Variants in TTC17 observed in about 807,000 individuals in gnomAD.
TTC17 encodes tetratricopeptide repeat protein 17.
TTC17 carries 58 observed loss-of-function variants against 143.8 expected under a neutral mutation model. That is an observed-to-expected ratio of 0.40 (90% CI 0.33 to 0.50). TTC17 has a LOEUF of 0.50. Among genes scored for constraint, TTC17 ranks in the 20% least tolerant of loss-of-function variants. The probability of loss-of-function intolerance (pLI) is 0.49; values close to 1 mark genes in which losing one functional copy is unlikely to be tolerated. For missense variants in TTC17, 1,273 were observed against 1,392.5 expected, an observed-to-expected ratio of 0.91 and a Z score of 1.37; for synonymous variants, 501 against 497.8, an observed-to-expected ratio of 1.01 and a Z score of -0.09.
chr11:43,481,628 G>T (rs1325091847), intron 21 of TTC17, among the ~76,000 whole-genome samples: 1 of 151,856 alleles, frequency 6.6e-6, no homozygotes, highest in Non-Finnish European at 1.5e-5. Flanking sequence ...CAAGGGATTT[G>T]TTTATTTCAT....
In TTC17 at chr11:43,379,342, G is replaced by A. The variant is rs766132003; in HGVS notation, c.249+20G>A. 2 of 1,593,938 alleles carry A rather than the reference G, an allele frequency of 1.3e-6. No individual in the cohort carries two copies. The highest frequency in any genetic ancestry group is 1.7e-6 in the Non-Finnish European group (2 of 1,165,822). ...TTAGAGGTGAGGCAACTGGGCATGTGAGATGCAGCTGATGCTTGTTGCATT... is the reference window on the plus strand; with the variant it reads ...TTAGAGGTGAGGCAACTGGGCATGTAAGATGCAGCTGATGCTTGTTGCATT... On this transcript the variant is annotated intron_variant, in intron 2 of 23. Transcript: ENST00000039989.
In TTC17 at chr11:43,453,964, GCTGA is replaced by G. The variant is rs545321089; in HGVS notation, c.3030+2703_3030+2706del. Among the ~76,000 whole-genome samples, 142 of 152,238 alleles carry G rather than the reference GCTGA, an allele frequency of 9.3e-4. 1 individual carries two copies. The Middle Eastern group carries it at 0.014, about 15-fold the overall frequency. ...AGCTGTTTACCCTTGTGATCATGTG[GCTGA>G]CTGGCAGCTACAGCTCGCAAGAGTG... On this transcript the variant is annotated intron_variant, in intron 21 of 23. Coordinates refer to ENST00000039989, the MANE Select transcript of TTC17 (RefSeq NM_018259.6).
chr11:43,370,721 A>G (rs1306518290), intron 1 of TTC17, among the ~76,000 whole-genome samples: 2 of 152,246 alleles, frequency 1.3e-5, no homozygotes, highest in African/African-American at 4.8e-5. Context: ...ATAATCACGT[A>G]AAGTCATATC....
At position 43,379,263 on chromosome 11, in the gene TTC17, C is replaced by T. The variant is rs777693543; in HGVS notation, c.190C>T (p.His64Tyr). ...TTCACCAATGAACTTGAAGCATCCT[C>T]ATGACCTAGTCATATTAATGAGACA... Reference protein sequence around the residue: ...VDSPMNLKHPHDLVILMRQEA... With the variant: ...VDSPMNLKHPYDLVILMRQEA... Residue 64 changes from histidine (H) to tyrosine (Y), a missense_variant, in exon 2 of 24, where the codon CAT (histidine) becomes TAT (tyrosine). His to Tyr is a moderately conservative substitution (Grantham distance 83, BLOSUM62 2). Transcript: ENST00000039989. 7.4e-6 allele frequency: 12 copies of T among 1,612,740 alleles called. No individual in the cohort carries two copies. The highest frequency in any genetic ancestry group is 2.2e-5 in the South Asian group (2 of 90,812).
At position 43,449,978 on chromosome 11, in the gene TTC17, C is replaced by T. The variant is rs200605681; in HGVS notation, c.2787-104C>T. 1.9e-5 allele frequency: 24 copies of T among 1,286,434 alleles called. No homozygotes were observed. The East Asian group carries it at 5.9e-4, about 32-fold the overall frequency. The allele number at this position is 1,286,434 out of a possible 1,614,324, so 79.7% of individuals were successfully genotyped here. A position where few individuals can be genotyped will look rare whatever the true frequency, so the allele number is the denominator to read the frequency against. On this transcript the variant is annotated intron_variant, in intron 19 of 23. Coordinates refer to ENST00000039989, the MANE Select transcript of TTC17 (RefSeq NM_018259.6). Reference sequence around the variant, plus strand: ...GATAGCATGTTGAAGCTATGATGAGCTGATTGTTAATGCTGTCTCTCCTTG... The same window carrying T: ...GATAGCATGTTGAAGCTATGATGAGTTGATTGTTAATGCTGTCTCTCCTTG...
At chr11:43,417,206 A>G (rs777836466) in intron 16 of TTC17, among the ~76,000 whole-genome samples, 1 of 152,184 alleles carries the variant, frequency 6.6e-6, no homozygotes, top group South Asian at 2.1e-4. Context: ...AAACACCTTT[A>G]TAGAAACCAG....
chr11:43,435,976 A>G (rs1213172994), intron 16 of TTC17, among the ~76,000 whole-genome samples: 1 of 152,202 alleles, frequency 6.6e-6, no homozygotes, highest in Non-Finnish European at 1.5e-5. Flanking sequence ...CTTGAACTTC[A>G]GCGCAAAATC....
intron 5 of TTC17, chr11:43,395,544 A>G (rs779184637): frequency 1.3e-5 from 2 of 152,246 alleles, no homozygotes; most frequent in African/African-American, 2.4e-5. Flanking sequence ...AACCTCGGCC[A>G]CAAGTCAGTT....
intron 16 of TTC17, among the ~76,000 whole-genome samples, chr11:43,417,305 A>G (rs1307014159): frequency 6.6e-6 from 1 of 151,854 alleles, no homozygotes; most frequent in Non-Finnish European, 1.5e-5. Context: ...AAAAGGAAAA[A>G]CCTCTGAAGG....
chr11:43,404,561 G>A (rs1858024369), intron 11 of TTC17, among the ~76,000 whole-genome samples: 1 of 152,130 alleles, frequency 6.6e-6, no homozygotes, highest in South Asian at 2.1e-4. Flanking sequence ...CCTACATTCT[G>A]GTAGATGATA....
intron 2 of TTC17, among the ~76,000 whole-genome samples, chr11:43,386,993 A>G (rs1166644091): frequency 6.6e-6 from 1 of 152,094 alleles, no homozygotes; most frequent in Non-Finnish European, 1.5e-5. Context: ...CAGTATTGCC[A>G]GGCTGGTTTC....
At chr11:43,416,349 C>T (rs1565155087) in intron 16 of TTC17, among the ~76,000 whole-genome samples, 1 of 151,852 alleles carries the variant, frequency 6.6e-6, no homozygotes, top group East Asian at 1.9e-4. Context: ...AAATTTATTT[C>T]TGTTTTTGAG....
intron 2 of TTC17, 41 bp downstream of exon 2, chr11:43,379,363 G>A: frequency 6.5e-7 from 1 of 1,528,642 alleles, no homozygotes; most frequent in Non-Finnish European, 9.0e-7. Context: ...GATGCTTGTT[G>A]CATTTCACAG....
chr11:43,360,291 C>T (rs1856045972), intron 1 of TTC17, among the ~76,000 whole-genome samples: 1 of 152,210 alleles, frequency 6.6e-6, no homozygotes, highest in South Asian at 2.1e-4. Flanking sequence ...GACCGTGTTC[C>T]TATTGGGTAA....
At chr11:43,431,716 CAA>C (rs1947163393) in intron 16 of TTC17, among the ~76,000 whole-genome samples, 2 of 152,176 alleles carry the variant, frequency 1.3e-5, no homozygotes, top group African/African-American at 4.8e-5. Flanking sequence ...TTATTAAGCT[CAA>C]TTTGCAGCCA....
chr11:43,389,859 T>A, intron 3 of TTC17, 38 bp downstream of exon 3: 1 of 1,518,536 alleles, frequency 6.6e-7, no homozygotes, highest in Non-Finnish European at 8.9e-7. Flanking sequence ...AATTGCTGTT[T>A]CAAACATTTC....
At chr11:43,472,903 G>A (rs556744646) in intron 21 of TTC17, among the ~76,000 whole-genome samples, 39 of 151,572 alleles carry the variant, frequency 2.6e-4, no homozygotes, top group Admixed American at 7.9e-4. Context: ...GTCTGGGTGC[G>A]GTGGCTCAAG....
chr11:43,441,286 A>T (rs965053438), intron 16 of TTC17, among the ~76,000 whole-genome samples: 54 of 151,790 alleles, frequency 3.6e-4, no homozygotes, highest in African/African-American at 1.3e-3. Context: ...AAAAAAAAAA[A>T]AAAAGTCCCT....
chr11:43,359,073 C>T lies in TTC17; in HGVS notation c.119C>T (p.Thr40Met). Reference sequence around the variant, plus strand: ...GCGGCACGAGGGGCCTTCGCCACCACGCACTGGGTCGTCACGGAGGACGGG... The same window carrying T: ...GCGGCACGAGGGGCCTTCGCCACCATGCACTGGGTCGTCACGGAGGACGGG... ...SVAARGAFAT[T>M]HWVVTEDGKI... The change falls in exon 1 of 24, where the codon ACG (threonine) becomes ATG (methionine). Residue 40 changes from threonine (T) to methionine (M), a missense_variant. By Grantham distance (81) the Thr-to-Met change is moderately conservative (BLOSUM62 -1). This residue lies in a region of TTC17 where 325 missense variants were observed against 444.2 expected (regional missense o/e 0.73). Transcript: ENST00000039989. 6.3e-7 allele frequency: 1 copy of T among 1,589,970 alleles called. No individual in the cohort carries two copies. The highest frequency in any genetic ancestry group is 8.5e-7 in the Non-Finnish European group (1 of 1,169,896).
Sources: gnomAD v4.1 joint callset for allele counts (sites outside exome capture counted in the v4.1 genomes callset) on GRCh38, gnomAD v4.1.1 for gene constraint, gnomAD v4.1.1 regional missense constraint, MANE v1.5 for transcripts, NCBI Gene and HGNC (gene_info 2026-07-23, HGNC 2026-07-21) for gene names.